TREML4: variants seen among roughly 807,000 people sequenced by gnomAD.
TREML4 encodes triggering receptor expressed on myeloid cells like 4.
Under a neutral mutation model 25.4 loss-of-function variants are expected in TREML4, and 25 were observed. The observed-to-expected ratio is 0.98, with a 90% CI of 0.72 to 1.37. The LOEUF (loss-of-function observed/expected upper bound fraction) is 1.37. Ranked by LOEUF, TREML4 falls within the 40% of genes most tolerant of loss-of-function variation. The pLI is 0.00. For missense variants in TREML4, 268 were observed against 236.5 expected, an observed-to-expected ratio of 1.13 and a Z score of -0.87; for synonymous variants, 92 against 87.9, an observed-to-expected ratio of 1.05 and a Z score of -0.26.
intron 4 of TREML4, among the ~76,000 whole-genome samples, chr6:41,232,842 G>A (rs536457623): frequency 5.3e-5 from 8 of 152,266 alleles, no homozygotes; most frequent in African/African-American, 1.4e-4. Flanking sequence ...TGATGGGTGC[G>A]ATGGGGAGTG....
intron 4 of TREML4, 99 bp downstream of exon 4, chr6:41,230,221 T>G: frequency 1.0e-6 from 1 of 998,150 alleles, no homozygotes; most frequent in Non-Finnish European, 1.6e-6. Context: ...CCAGGGATCC[T>G]TCTCTGGTGG....
chr6:41,234,522 G>GATAAAAGAAC (rs1766863874), intron 4 of TREML4, among the ~76,000 whole-genome samples: 1 of 42,682 alleles, frequency 2.3e-5, no homozygotes, highest in Non-Finnish European at 7.1e-5. Flanking sequence ...GACAAAAGAA[G>GATAAAAGAAC]ATAATAAATA....
In TREML4 at chr6:41,228,990, G is replaced by A. The variant is rs1400870667; in HGVS notation, c.340G>A (p.Ala114Thr). 3 of 1,614,092 alleles carry A rather than the reference G, an allele frequency of 1.9e-6. No individual in the cohort carries two copies. The African/African-American group carries it at 4.0e-5, about 22-fold the overall frequency. The stretch of plus-strand genomic sequence containing the variant: ...ATTCTACTGGTGTGGAATCTACAAC[G>A]CTTCCGAAAACATCATCACTGTTCT... The part of the protein sequence containing the change: ...SGFYWCGIYN[A>T]SENIITVLRN... Residue 114 changes from alanine (A) to threonine (T), a missense_variant, in exon 2 of 6, where the codon GCT becomes ACT. Coordinates refer to ENST00000341495, the MANE Select transcript of TREML4 (RefSeq NM_198153.3).
intron 5 of TREML4, among the ~76,000 whole-genome samples, chr6:41,236,851 G>A (rs1185127849): frequency 6.6e-6 from 1 of 151,982 alleles, no homozygotes; most frequent in African/African-American, 2.4e-5. Context: ...TCTGTCCTGA[G>A]AGGAAAAAGA....
At chr6:41,235,565 C>A (rs949239921) in intron 4 of TREML4, among the ~76,000 whole-genome samples, 12 of 152,192 alleles carry the variant, frequency 7.9e-5, no homozygotes, top group African/African-American at 1.2e-4. Flanking sequence ...GTTTTCATTA[C>A]AGTCACAAAG....
chr6:41,233,774 AAT>A (rs1308001827), intron 4 of TREML4, among the ~76,000 whole-genome samples: 4 of 151,652 alleles, frequency 2.6e-5, no homozygotes, highest in Non-Finnish European at 4.4e-5. Context: ...CATATTTATC[AAT>A]GTTACATATT....
chr6:41,229,968 GCCCC>G, intron 3 of TREML4, 90 bp from the exon 4 acceptor site: 42 of 1,070,234 alleles, frequency 3.9e-5, no homozygotes, highest in Non-Finnish European at 5.1e-5. Context: ...GCTGCCTCTG[GCCCC>G]TCTCCCCTTC....
At chr6:41,230,006 C>T (rs1196792653) in intron 3 of TREML4, 56 bp from the exon 4 acceptor site, 11 of 1,462,038 alleles carry the variant, frequency 7.5e-6, no homozygotes, top group South Asian at 1.1e-5. Context: ...GGGACCCAAT[C>T]CCATTCTCTA....
chr6:41,233,982 T>G (rs192250295), intron 4 of TREML4, among the ~76,000 whole-genome samples: 3 of 151,788 alleles, frequency 2.0e-5, no homozygotes, highest in East Asian at 1.9e-4. Context: ...ATATAAATAG[T>G]GTATAAGTAC....
At position 41,228,510 on chromosome 6, in the gene TREML4, T is replaced by A. The variant is rs761303084; in HGVS notation, c.63+20T>A. 2.5e-6 allele frequency: 4 copies of A among 1,609,040 alleles called. No individual in the cohort carries two copies. The South Asian group carries it at 4.4e-5, about 18-fold the overall frequency. Reference sequence around the variant, plus strand: ...CCTCAGGTGACATGGAGGGAAAGAGTGCAGGGGGTGTAAGGAGTGGGATGA... The same window carrying A: ...CCTCAGGTGACATGGAGGGAAAGAGAGCAGGGGGTGTAAGGAGTGGGATGA... On this transcript the variant is annotated intron_variant, in intron 1 of 5. Transcript: ENST00000341495.
chr6:41,229,341 C>CACACACACTA (rs561443509), intron 2 of TREML4, among the ~76,000 whole-genome samples, 180 bp from the exon 3 acceptor site: 348 of 152,270 alleles, frequency 2.3e-3, no homozygotes, highest in African/African-American at 8.1e-3. Flanking sequence ...CTTCTTTTCA[C>CACACACACTA]ACACACACTA....
chr6:41,233,244 C>T (rs1766835388), intron 4 of TREML4, among the ~76,000 whole-genome samples: 1 of 152,092 alleles, frequency 6.6e-6, no homozygotes, highest in Non-Finnish European at 1.5e-5. Context: ...AAGGTAGAAT[C>T]AAGTCCTAAA....
In TREML4 at chr6:41,238,280, G is replaced by T. The variant is rs1766939277; in HGVS notation, c.*1261G>T. The T allele has an allele frequency of 6.6e-6, 1 of 152,060 alleles. No homozygotes were observed. The highest frequency in any genetic ancestry group is 1.5e-5 in the Non-Finnish European group (1 of 68,020). 9.4% of individuals were successfully genotyped at this position (152,060 alleles called of 1,614,324 possible). On this transcript the variant is annotated 3_prime_UTR_variant, in exon 6 of 6. Coordinates refer to ENST00000341495, the MANE Select transcript of TREML4 (RefSeq NM_198153.3). ...TCCTCTCCGAGGCAACTACTCTAATGCATTTGGTATGTAACTTTAAATTTG... is the reference window on the plus strand; with the variant it reads ...TCCTCTCCGAGGCAACTACTCTAATTCATTTGGTATGTAACTTTAAATTTG...
chr6:41,229,552 C>T lies in TREML4; in HGVS notation c.426C>T (p.Pro142=), dbSNP rs374200197. 4.3e-6 allele frequency: 7 copies of T among 1,613,780 alleles called. No individual in the cohort carries two copies. Among genetic ancestry groups the T allele is most frequent in the Non-Finnish European group, 5.9e-6 (7 of 1,179,918 alleles). ...CCACGTCTCCTATGTGGACTCTTCCCTGGCTCCCAACAAGCACAGGTAGGT... is the reference window on the plus strand; with the variant it reads ...CCACGTCTCCTATGTGGACTCTTCCTTGGCTCCCAACAAGCACAGGTAGGT... ...APTTSPMWTL[P]WLPTSTVLIT... is the part of the protein sequence containing the mutation. The change falls in exon 3 of 6, where the codon CCC becomes CCT. Residue 142 remains proline, a synonymous_variant. Coordinates refer to ENST00000341495, the MANE Select transcript of TREML4 (RefSeq NM_198153.3).
chr6:41,235,988 G>A (rs1766888690), intron 4 of TREML4, among the ~76,000 whole-genome samples: 1 of 151,766 alleles, frequency 6.6e-6, no homozygotes, highest in Admixed American at 6.5e-5. Flanking sequence ...CAGGAGTGGG[G>A]GCTACACAGA....
rs193212455 is a variant in TREML4, at chr6:41,230,142, A to G, written c.506+20A>G. The G allele has an allele frequency of 1.4e-4, 230 of 1,591,296 alleles. No individual in the cohort carries two copies. In the African/African-American group the frequency reaches 2.7e-3, roughly 18 times the overall value. On this transcript the variant is annotated intron_variant, in intron 4 of 5. Coordinates refer to ENST00000341495, the MANE Select transcript of TREML4 (RefSeq NM_198153.3). The stretch of plus-strand genomic sequence containing the variant: ...GACCAGGTAGGTCAGAGGTTTTAAC[A>G]CTGGGAGGGAGGTCTTGGGAAGGGA...
At chr6:41,229,785 T>C (rs983793245) in intron 3 of TREML4, 22 of 639,640 alleles carry the variant, frequency 3.4e-5, no homozygotes, top group Non-Finnish European at 5.6e-5. Context: ...GTTCTCACGA[T>C]GATGGGAGGG....
rs17700545 is a variant in TREML4, at chr6:41,229,246, G to A, written c.394+202G>A. Among the ~76,000 whole-genome samples the A allele has an allele frequency of 9.7e-3, 1,477 of 152,202 alleles. 32 individuals are homozygous for A. Among genetic ancestry groups the A allele is most frequent in the South Asian group, 0.095 (456 of 4,816 alleles). On this transcript the variant is annotated intron_variant, in intron 2 of 5. Transcript: ENST00000341495. ...ACATCCTGGCCTCAATTGTTGGGAAGGTACCCTCAGAGGTCCCTGGACAGA... is the reference window on the plus strand; with the variant it reads ...ACATCCTGGCCTCAATTGTTGGGAAAGTACCCTCAGAGGTCCCTGGACAGA...
intron 5 of TREML4, among the ~76,000 whole-genome samples, 187 bp downstream of exon 5, chr6:41,236,804 C>T (rs1186518753): frequency 1.3e-5 from 2 of 152,170 alleles, no homozygotes; most frequent in Non-Finnish European, 2.9e-5. Context: ...GAGACAGAGG[C>T]TTTCTGGGAG....
Sources: gnomAD v4.1 joint callset for allele counts (sites outside exome capture counted in the v4.1 genomes callset) on GRCh38, gnomAD v4.1.1 for gene constraint, MANE v1.5 for transcripts, NCBI Gene and HGNC (gene_info 2026-07-23, HGNC 2026-07-21) for gene names.